Variants in RNF182 observed in about 807,000 individuals in gnomAD.
The protein encoded by RNF182 is E3 ubiquitin-protein ligase RNF182.
RNF182 carries 15 observed loss-of-function variants against 14.4 expected under a neutral mutation model. That is an observed-to-expected ratio of 1.04 (90% CI 0.70 to 1.60). The LOEUF is 1.60. Ranked by LOEUF, RNF182 falls within the 40% of genes most tolerant of loss-of-function variation. The pLI, the probability that RNF182 is intolerant of heterozygous loss-of-function variation, is 0.00. For missense variants in RNF182, 268 were observed against 294.8 expected, an observed-to-expected ratio of 0.91 and a Z score of 0.67; for synonymous variants, 128 against 122.9, an observed-to-expected ratio of 1.04 and a Z score of -0.27.
Position 13,977,179 on chromosome 6 carries a change from C to A in RNF182, c.60C>A (p.Cys20Ter). 6.2e-7 allele frequency: 1 copy of A among 1,614,118 alleles called. No homozygotes were observed. Among genetic ancestry groups the A allele is most frequent in the Non-Finnish European group, 8.5e-7 (1 of 1,179,996 alleles). The part of the protein sequence containing the change: ...AESQASDELE[C>*]KICYNRYNLK... Reference sequence around the variant, plus strand: ...CTCAGGCCTCTGATGAGCTGGAGTGCAAAATCTGTTACAATCGATACAATC... The same window carrying A: ...CTCAGGCCTCTGATGAGCTGGAGTGAAAAATCTGTTACAATCGATACAATC... Residue 20 changes from cysteine to a stop codon, truncating the protein, a stop_gained, in exon 3 of 3, where the codon TGC becomes TGA. Transcript: ENST00000488300. LOFTEE classifies it high-confidence loss of function.
chr6:13,945,762 T>C (rs1759423474), intron 1 of RNF182, among the ~76,000 whole-genome samples: 1 of 152,224 alleles, frequency 6.6e-6, no homozygotes, highest in African/African-American at 2.4e-5. Flanking sequence ...ATCTTGACAG[T>C]TTTCCTCTGC....
rs532160155 is a variant in RNF182 at position 13,940,865 on chromosome 6, C to T, written c.-367+15842C>T. 4.3e-4 allele frequency among the ~76,000 whole-genome samples: 65 copies of T among 152,056 alleles called. 1 individual carries two copies. Among genetic ancestry groups the T allele is most frequent in the Admixed American group, 3.3e-3 (51 of 15,288 alleles). ...TAGACATTTATTACTTAATTTCCAACGGTTTAGGATATTCTAAAAATCTTT... is the reference window on the plus strand; with the variant it reads ...TAGACATTTATTACTTAATTTCCAATGGTTTAGGATATTCTAAAAATCTTT... On this transcript the variant is annotated intron_variant, in intron 1 of 2. Transcript: ENST00000488300.
chr6:13,952,353 C>T (rs571004834), intron 1 of RNF182, among the ~76,000 whole-genome samples: 1 of 152,264 alleles, frequency 6.6e-6, no homozygotes, highest in Admixed American at 6.5e-5. Context: ...CTGTCACCCA[C>T]AGCTGTCAGC....
chr6:13,973,042 C>T (rs564176254), intron 1 of RNF182, among the ~76,000 whole-genome samples: 35 of 152,362 alleles, frequency 2.3e-4, no homozygotes, highest in South Asian at 6.2e-4. Context: ...TACAGAGCCA[C>T]AGGGGCAGGG....
chr6:13,958,959 A>T (rs1274222079), intron 1 of RNF182, among the ~76,000 whole-genome samples: 1 of 152,130 alleles, frequency 6.6e-6, no homozygotes, highest in East Asian at 1.9e-4. Flanking sequence ...CTCATTGTTA[A>T]AAAGAGCCTG....
At chr6:13,972,761 T>TG (rs1760224253) in intron 1 of RNF182, among the ~76,000 whole-genome samples, 1 of 151,980 alleles carries the variant, frequency 6.6e-6, no homozygotes, top group South Asian at 2.1e-4. Flanking sequence ...AGAGGATGTA[T>TG]GGAAATGCCT....
intron 1 of RNF182, among the ~76,000 whole-genome samples, chr6:13,958,886 G>A (rs935508672): frequency 6.6e-6 from 1 of 152,136 alleles, no homozygotes; most frequent in Admixed American, 6.5e-5. Flanking sequence ...GATCTCTCAT[G>A]AATAGATTAA....
chr6:13,960,654 A>AGTGT (rs1321841154), intron 1 of RNF182, among the ~76,000 whole-genome samples: 2 of 130,714 alleles, frequency 1.5e-5, no homozygotes, highest in Non-Finnish European at 3.3e-5. Flanking sequence ...AGGGAGAGAG[A>AGTGT]GAGTGTGTGT....
chr6:13,977,080 A>G lies in RNF182; in HGVS notation c.-40A>G, dbSNP rs757305380. On this transcript the variant is annotated 5_prime_UTR_variant, in exon 3 of 3. Coordinates refer to ENST00000488300, the MANE Select transcript of RNF182 (RefSeq NM_152737.4). The stretch of plus-strand genomic sequence containing the variant: ...GCACCTTAATCAAAGCCATTCTTCA[A>G]CAAGACCCACCTGGCATAAGATTGC... 2.5e-6 allele frequency: 4 copies of G among 1,569,814 alleles called. No homozygotes were observed. Among genetic ancestry groups the G allele is most frequent in the Admixed American group, 3.6e-5 (2 of 55,246 alleles).
At chr6:13,935,881 A>G (rs1388747266) in intron 1 of RNF182, among the ~76,000 whole-genome samples, 5 of 152,214 alleles carry the variant, frequency 3.3e-5, no homozygotes, top group African/African-American at 7.2e-5. Flanking sequence ...TCACATTGCT[A>G]TAAGGAACTA....
chr6:13,971,891 G>A (rs965583077), intron 1 of RNF182, among the ~76,000 whole-genome samples: 12 of 152,162 alleles, frequency 7.9e-5, no homozygotes, highest in African/African-American at 2.9e-4. Flanking sequence ...TAGGGTATGT[G>A]GTGAAAGAAA....
chr6:13,958,011 C>G (rs1449620404), intron 1 of RNF182, among the ~76,000 whole-genome samples: 1 of 151,634 alleles, frequency 6.6e-6, no homozygotes. Flanking sequence ...ATTTTTTCAA[C>G]ATGTATTGAG....
rs1760437823 is a variant in RNF182 at position 13,979,499 on chromosome 6, A to C, written c.*1636A>C. 6.0e-6 allele frequency: 1 copy of C among 167,042 alleles called. No homozygotes were observed. The highest frequency in any genetic ancestry group is 2.1e-4 in the South Asian group (1 of 4,828). The allele number at this position is 167,042 out of a possible 1,614,324, so 10.3% of individuals were successfully genotyped here. A position where few individuals can be genotyped will look rare whatever the true frequency, so the allele number is the denominator to read the frequency against. On this transcript the variant is annotated 3_prime_UTR_variant, in exon 3 of 3. Transcript: ENST00000488300. Reference sequence around the variant, plus strand: ...CTTCGGGAATATGTATGCCCAAAGTAAGTAGGATGAGAATAGTATACATGG... The same window carrying C: ...CTTCGGGAATATGTATGCCCAAAGTCAGTAGGATGAGAATAGTATACATGG...
chr6:13,944,727 TCA>T (rs1561778939), intron 1 of RNF182, among the ~76,000 whole-genome samples: 1 of 152,168 alleles, frequency 6.6e-6, no homozygotes, highest in South Asian at 2.1e-4. Context: ...ACCTGTGAGG[TCA>T]GTACTGTCTC....
chr6:13,932,970 C>T (rs985206972), intron 1 of RNF182, among the ~76,000 whole-genome samples: 1 of 152,124 alleles, frequency 6.6e-6, no homozygotes, highest in African/African-American at 2.4e-5. Flanking sequence ...AGTTATCTTA[C>T]CATCCCATAT....
Position 13,977,153 on chromosome 6 carries a change from T to C in RNF182, c.34T>C (p.Ser12Pro). The C allele has an allele frequency of 1.2e-6, 2 of 1,613,886 alleles. No individual in the cohort carries two copies. Among genetic ancestry groups the C allele is most frequent in the African/African-American group, 2.7e-5 (2 of 74,984 alleles). The change falls in exon 3 of 3, where the codon TCT becomes CCT. Residue 12 changes from serine to proline, a missense_variant. By Grantham distance (74) the Ser-to-Pro change is moderately conservative. Coordinates refer to ENST00000488300, the MANE Select transcript of RNF182 (RefSeq NM_152737.4). ...TCAACCTCCTGAAGACACTGCGGAGTCTCAGGCCTCTGATGAGCTGGAGTG... is the reference window on the plus strand; with the variant it reads ...TCAACCTCCTGAAGACACTGCGGAGCCTCAGGCCTCTGATGAGCTGGAGTG... Reference protein sequence around the residue: ...ASQPPEDTAESQASDELECKI... With the variant: ...ASQPPEDTAEPQASDELECKI...
In RNF182 at chr6:13,977,966, A is replaced by G; in HGVS notation, c.*103A>G. ...TTTATGTTCTTTATGATTAGTATCC[A>G]TGACATTAACAAAACCCTTGGCCAC... On this transcript the variant is annotated 3_prime_UTR_variant, in exon 3 of 3. Transcript: ENST00000488300. The G allele has an allele frequency of 7.9e-7, 1 of 1,258,458 alleles. No homozygotes were observed. The highest frequency in any genetic ancestry group is 1.1e-6 in the Non-Finnish European group (1 of 913,126). 78.0% of individuals were successfully genotyped at this position (1,258,458 alleles called of 1,614,324 possible).
chr6:13,968,894 A>G (rs1429744732), intron 1 of RNF182, among the ~76,000 whole-genome samples: 1 of 152,192 alleles, frequency 6.6e-6, no homozygotes, highest in East Asian at 1.9e-4. Context: ...TTTCTGTAAT[A>G]CTAAGTAGGA....
chr6:13,939,841 G>T (rs1035546899), intron 1 of RNF182, among the ~76,000 whole-genome samples: 2 of 152,112 alleles, frequency 1.3e-5, no homozygotes, highest in Non-Finnish European at 2.9e-5. Context: ...CTGTGCCCGG[G>T]CATAAATGCA....
Sources: gnomAD v4.1 joint callset for allele counts (sites outside exome capture counted in the v4.1 genomes callset) on GRCh38, gnomAD v4.1.1 for gene constraint, MANE v1.5 for transcripts, NCBI Gene and HGNC (gene_info 2026-07-23, HGNC 2026-07-21) for gene names.